The following PUDP variants were observed in gnomAD, a reference collection of about 807,000 sequenced individuals.
PUDP encodes the protein pseudouridine 5'-phosphatase.
A neutral mutation model predicts 9.4 loss-of-function variants in PUDP; 8 were observed. That is an observed-to-expected ratio of 0.85 (90% CI 0.50 to 1.53). The LOEUF (loss-of-function observed/expected upper bound fraction) is 1.53. Ranked by LOEUF, PUDP falls within the 40% of genes most tolerant of loss-of-function variation. The pLI is 0.00. For missense variants in PUDP, 188 were observed against 189.7 expected (o/e 0.99, Z 0.05); for synonymous variants, 99 against 80.7 (o/e 1.23, Z -1.22).
chrX:6,883,390 C>T (rs115859357), intron 3 of PUDP, among the ~76,000 whole-genome samples: 3,008 of 109,032 alleles, frequency 0.028, 113 homozygotes, highest in African/African-American at 0.093. Flanking sequence ...GGCATGGTGG[C>T]GCTCGCCTGT....
chrX:7,029,848 A>C (rs1929769034), intron 1 of PUDP, among the ~76,000 whole-genome samples: 1 of 111,884 alleles, frequency 8.9e-6, no homozygotes, highest in Non-Finnish European at 1.9e-5. Flanking sequence ...AAGGGTCTTG[A>C]AAATGTTATT....
intron 3 of PUDP, among the ~76,000 whole-genome samples, chrX:6,776,761 G>T (rs1228771162): frequency 8.9e-6 from 1 of 112,177 alleles, no homozygotes; most frequent in Non-Finnish European, 1.9e-5. Context: ...TGAAAACACA[G>T]TTTAACATCT....
chrX:6,860,020 A>T (rs1926972366), intron 3 of PUDP, among the ~76,000 whole-genome samples: 1 of 112,480 alleles, frequency 8.9e-6, no homozygotes, highest in Admixed American at 9.4e-5. Flanking sequence ...ATAGAGGTAG[A>T]TATTGTTATA....
intron 3 of PUDP, among the ~76,000 whole-genome samples, chrX:6,820,821 C>T (rs1025476025): frequency 2.7e-5 from 3 of 111,363 alleles, no homozygotes; most frequent in South Asian, 3.8e-4. Flanking sequence ...GCGCATGATG[C>T]GAGCTGTCAG....
At chrX:6,773,193 T>C (rs1300098934) in intron 3 of PUDP, among the ~76,000 whole-genome samples, 1 of 112,024 alleles carries the variant, frequency 8.9e-6, no homozygotes, top group African/African-American at 3.2e-5. Flanking sequence ...GCTTTTCAAG[T>C]TACTCTAACT....
intron 2 of PUDP, among the ~76,000 whole-genome samples, chrX:7,099,544 C>T (rs1443123717): frequency 9.8e-5 from 11 of 112,341 alleles, no homozygotes; most frequent in African/African-American, 3.6e-4. Flanking sequence ...CTGAGGACAT[C>T]GTAGGCCCAC....
chrX:7,097,508 T>C (rs993427761), intron 2 of PUDP, among the ~76,000 whole-genome samples: 17 of 111,922 alleles, frequency 1.5e-4, no homozygotes, highest in Non-Finnish European at 2.4e-4. Flanking sequence ...TTTACTTAAT[T>C]CTACATCCCT....
intron 3 of PUDP, among the ~76,000 whole-genome samples, chrX:6,960,176 C>A (rs1489952975): frequency 8.9e-6 from 1 of 112,310 alleles, no homozygotes; most frequent in Non-Finnish European, 1.9e-5. Context: ...GTAAGAAGAA[C>A]AGAAATTCAG....
intron 3 of PUDP, chrX:7,057,580 G>A: frequency 5.6e-6 from 6 of 1,067,546 alleles, no homozygotes; most frequent in Non-Finnish European, 7.3e-6. Flanking sequence ...GTGGGTCTTG[G>A]GGCCGCCATT....
chrX:6,875,925 G>A (rs1041984899), intron 3 of PUDP, among the ~76,000 whole-genome samples: 5 of 111,867 alleles, frequency 4.5e-5, no homozygotes, highest in African/African-American at 1.6e-4. Context: ...GAAAAGCAAT[G>A]GTATTTTATT....
At chrX:7,051,862 T>C (rs1235025734) in intron 3 of PUDP, among the ~76,000 whole-genome samples, 2 of 112,486 alleles carry the variant, frequency 1.8e-5, no homozygotes, top group East Asian at 2.8e-4. Context: ...ACTGAGACTC[T>C]GCAGAGGCCC....
At chrX:7,132,694 C>A (rs1932651520) in intron 1 of PUDP, among the ~76,000 whole-genome samples, 1 of 112,049 alleles carries the variant, frequency 8.9e-6, no homozygotes, top group South Asian at 3.7e-4. Context: ...TTAGAAAGTA[C>A]TTAAGGGCCA....
intron 3 of PUDP, among the ~76,000 whole-genome samples, chrX:7,055,860 C>G (rs1346815689): frequency 8.9e-6 from 1 of 112,158 alleles, no homozygotes; most frequent in East Asian, 2.8e-4. Flanking sequence ...TGTTTCTTAT[C>G]TTCGAAGGCA....
chrX:6,893,174 A>G (rs917055256), intron 3 of PUDP, among the ~76,000 whole-genome samples: 3 of 112,360 alleles, frequency 2.7e-5, no homozygotes, highest in East Asian at 5.6e-4. Context: ...ATAGAAAGCA[A>G]TCTGTAAATA....
At chrX:6,717,145 C>T (rs375533774) in intron 1 of PUDP, among the ~76,000 whole-genome samples, 22 of 111,681 alleles carry the variant, frequency 2.0e-4, no homozygotes, top group South Asian at 1.1e-3. Flanking sequence ...TCCTCACCTT[C>T]GGTAGGAGAG....
intron 3 of PUDP, among the ~76,000 whole-genome samples, chrX:6,780,681 A>T (rs2146683579): frequency 9.0e-6 from 1 of 111,363 alleles, no homozygotes; most frequent in Non-Finnish European, 1.9e-5. Context: ...TGGCGAATGA[A>T]TTCCCCAATT....
intron 1 of PUDP, among the ~76,000 whole-genome samples, chrX:6,717,781 A>C (rs2146653752): frequency 8.9e-6 from 1 of 112,108 alleles, no homozygotes; most frequent in East Asian, 2.8e-4. Flanking sequence ...CCCTGAGGTC[A>C]AAGATTTTCT....
chrX:7,130,019 C>G (rs746994196), intron 1 of PUDP, among the ~76,000 whole-genome samples: 1 of 111,757 alleles, frequency 8.9e-6, no homozygotes, highest in South Asian at 3.8e-4. Flanking sequence ...TATTCCAAAG[C>G]ACTTTTCTTT....
chrX:6,772,761 T>G (rs1311036148), intron 3 of PUDP, among the ~76,000 whole-genome samples: 1 of 101,126 alleles, frequency 9.9e-6, no homozygotes, highest in Admixed American at 1.1e-4. Flanking sequence ...TGAGACCCCA[T>G]CTCTACAGCA....
Sources: gnomAD v4.1 joint callset for allele counts (sites outside exome capture counted in the v4.1 genomes callset) on GRCh38, gnomAD v4.1.1 for gene constraint, MANE v1.5 for transcripts, NCBI Gene and HGNC (gene_info 2026-07-23, HGNC 2026-07-21) for gene names.